Variants in LCA5L observed in about 807,000 individuals in gnomAD.
The protein encoded by LCA5L is lebercilin-like protein.
In LCA5L, 35 loss-of-function variants were observed where a neutral mutation model predicts 45.4. The ratio of observed to expected loss-of-function variants is 0.77; its 90% CI spans 0.59 to 1.02. The LOEUF (loss-of-function observed/expected upper bound fraction) is 1.02, where lower values mean the gene tolerates loss of function less well. Among genes scored for constraint, LCA5L ranks in the 50% least tolerant of loss-of-function variants. The pLI is 0.00. For synonymous variants in LCA5L, 233 were observed against 264.7 expected (o/e 0.88, Z 1.16); for missense variants, 668 against 761.6 (o/e 0.88, Z 1.45).
intron 5 of LCA5L, among the ~76,000 whole-genome samples, chr21:39,427,267 G>T (rs1019378809): frequency 5.3e-5 from 8 of 152,298 alleles, no homozygotes; most frequent in African/African-American, 1.7e-4. Context: ...ATGGGAGGAA[G>T]GAATTACAGT....
chr21:39,433,820 A>G (rs2076015412), intron 3 of LCA5L, among the ~76,000 whole-genome samples: 1 of 145,486 alleles, frequency 6.9e-6, no homozygotes, highest in Admixed American at 7.0e-5. Flanking sequence ...GCTGGAGTGC[A>G]GTGGCACGAT....
chr21:39,410,920 T>A (rs1315139000), intron 8 of LCA5L: 5 of 470,732 alleles, frequency 1.1e-5, no homozygotes, highest in South Asian at 4.6e-5. Flanking sequence ...TGTAGCTACT[T>A]CTTCTAATAA....
intron 10 of LCA5L, among the ~76,000 whole-genome samples, chr21:39,406,929 C>T (rs1006821979): frequency 6.6e-6 from 1 of 152,088 alleles, no homozygotes; most frequent in African/African-American, 2.4e-5. Flanking sequence ...GACATACTGC[C>T]AGTTGAAACA....
rs1361670225 is a variant in LCA5L at position 39,406,234 on chromosome 21, C to T, written c.1661G>A (p.Ser554Asn). 2 of 1,614,252 alleles carry T rather than the reference C, an allele frequency of 1.2e-6. No individual in the cohort carries two copies. The highest frequency in any genetic ancestry group is 1.1e-5 in the South Asian group (1 of 91,088). ...TCTGTTACTGAGATGCTTGCCTGTA[C>T]TATGACTGTACCTCATGTTGCCGGC... ...ANAGNMRYSH[S>N]TGKHLSNREE... is the part of the protein sequence containing the mutation. Residue 554 changes from serine to asparagine, a missense_variant, in exon 11 of 11, where the codon AGT becomes AAT. By Grantham distance (46) the Ser-to-Asn change is conservative. Coordinates refer to ENST00000288350, the MANE Select transcript of LCA5L (RefSeq NM_152505.4).
At chr21:39,414,742 CTG>C (rs66478742) in intron 7 of LCA5L, among the ~76,000 whole-genome samples, 7,154 of 99,092 alleles carry the variant, frequency 0.072, 265 homozygotes, top group East Asian at 0.12. Context: ...CTCTCTCTCT[CTG>C]TGTGTGTGTG....
chr21:39,428,411 G>T lies in LCA5L; in HGVS notation c.83C>A (p.Ala28Glu), dbSNP rs2147925496. Residue 28 changes from alanine (A) to glutamate (E), a missense_variant, in exon 5 of 11, where the codon GCA becomes GAA. Ala to Glu is a moderately radical substitution (Grantham distance 107, BLOSUM62 -1). Coordinates refer to ENST00000288350, the MANE Select transcript of LCA5L (RefSeq NM_152505.4). ...GCCTGTGCCTGGGCTTCTCTTGCAT[G>T]CTGCAGACCTCCTATTGTTTTCTAA... ...VALENNRRSA[A>E]CKRSPGTGDF... The T allele has an allele frequency of 6.2e-7, 1 of 1,612,622 alleles. No individual in the cohort carries two copies. Among genetic ancestry groups the T allele is most frequent in the Non-Finnish European group, 8.5e-7 (1 of 1,179,498 alleles).
At chr21:39,410,999 A>G (rs540717430) in intron 8 of LCA5L, 2 of 463,672 alleles carry the variant, frequency 4.3e-6, no homozygotes, top group African/African-American at 4.0e-5. Flanking sequence ...GGGGGAAAGC[A>G]GTGCACGTGC....
chr21:39,423,869 A>G (rs1292798555), intron 5 of LCA5L, among the ~76,000 whole-genome samples: 1 of 152,168 alleles, frequency 6.6e-6, no homozygotes, highest in African/African-American at 2.4e-5. Context: ...AAGCTGTGAT[A>G]ATAGGCCAGG....
chr21:39,419,176 C>T (rs1328110738), intron 7 of LCA5L, among the ~76,000 whole-genome samples: 2 of 152,086 alleles, frequency 1.3e-5, no homozygotes, highest in Non-Finnish European at 2.9e-5. Context: ...CTTCTCCTGT[C>T]TCTGAGTCAT....
chr21:39,421,789 A>G (rs1206092946), intron 6 of LCA5L: 1 of 152,224 alleles, frequency 6.6e-6, no homozygotes, highest in East Asian at 1.9e-4. Context: ...TTAAAGAAAT[A>G]ACATGTTTTG....
rs554405200 is a variant in LCA5L, at chr21:39,409,224, C to T, written c.1282+755G>A. Among the ~76,000 whole-genome samples the T allele has an allele frequency of 1.9e-4, 29 of 152,176 alleles. No individual in the cohort carries two copies. Among genetic ancestry groups the T allele is most frequent in the African/African-American group, 6.0e-4 (25 of 41,534 alleles). ...CGCCACATGAAGACATAGTGAGAAG[C>T]GGGACATCTAAAGCCAGGAAGAGGG... is the stretch of plus-strand genomic sequence containing the variant. On this transcript the variant is annotated intron_variant, in intron 10 of 10. Transcript: ENST00000288350. This position sits in a 1 kb window ranked among gnomAD's most constrained non-coding sequence, Gnocchi z 4.2.
chr21:39,418,500 A>AT (rs1031301609), intron 7 of LCA5L, among the ~76,000 whole-genome samples: 18 of 151,618 alleles, frequency 1.2e-4, no homozygotes, highest in Non-Finnish European at 2.4e-4. Flanking sequence ...TTTTTATTTT[A>AT]TTTTTTTTAA....
chr21:39,423,038 C>A lies in LCA5L; in HGVS notation c.775G>T (p.Glu259Ter), dbSNP rs1392499871. 6.2e-7 allele frequency: 1 copy of A among 1,613,940 alleles called. No individual in the cohort carries two copies. The highest frequency in any genetic ancestry group is 8.5e-7 in the Non-Finnish European group (1 of 1,179,956). The change falls in exon 6 of 11, where the codon GAA (glutamate) becomes TAA (stop). Residue 259 changes from glutamate (E) to a stop codon, truncating the protein, a stop_gained. Transcript: ENST00000288350. LOFTEE classifies it high-confidence loss of function. ...SEDKNLAEREELTHKLSIITT... is the reference protein window; with the variant it reads ...SEDKNLAERE ...ATAATAGATAATTTATGAGTGAGTTCTTCCCTTTCTGCAAGGTTTTTGTCT... is the reference window on the plus strand; with the variant it reads ...ATAATAGATAATTTATGAGTGAGTTATTCCCTTTCTGCAAGGTTTTTGTCT...
At chr21:39,422,794 G>GT in intron 6 of LCA5L, 182 bp downstream of exon 6, 2 of 612,886 alleles carry the variant, frequency 3.3e-6, no homozygotes, top group Non-Finnish European at 2.8e-6. Context: ...AGCTGCTTCT[G>GT]TTTTTCCTTC....
At chr21:39,433,510 C>T (rs2148090655) in intron 3 of LCA5L, among the ~76,000 whole-genome samples, 1 of 148,668 alleles carries the variant, frequency 6.7e-6, no homozygotes, top group East Asian at 2.0e-4. Context: ...TTTCTTTCTT[C>T]TAGAAGTTTT....
chr21:39,428,504 CTAA>C lies in LCA5L; in HGVS notation c.-10-4_-10-2del. On this transcript the variant is annotated splice_acceptor_variant and splice_polypyrimidine_tract_variant and intron_variant, in intron 4 of 10. Transcript: ENST00000288350. LOFTEE classifies it low-confidence loss of function (5UTR_SPLICE). ...ATCAGCCAAAGACATAGCAAACAAC[CTAA>C]TAAAAGAAAAGTAAAACCTAATAAA... 6.8e-7 allele frequency: 1 copy of C among 1,469,264 alleles called. No individual in the cohort carries two copies. The highest frequency in any genetic ancestry group is 9.0e-7 in the Non-Finnish European group (1 of 1,108,700). 91.0% of individuals were successfully genotyped at this position (1,469,264 alleles called of 1,614,324 possible).
intron 7 of LCA5L, among the ~76,000 whole-genome samples, chr21:39,415,467 C>G (rs1395553777): frequency 2.0e-5 from 3 of 152,220 alleles, no homozygotes; most frequent in Non-Finnish European, 4.4e-5. Context: ...TTCCCACTCT[C>G]TCTGACCACT....
At chr21:39,442,530 C>T (rs2076972845) in intron 2 of LCA5L, among the ~76,000 whole-genome samples, 1 of 151,966 alleles carries the variant, frequency 6.6e-6, no homozygotes. Context: ...TACAGGACTG[C>T]GGCAGGCTGA....
Position 39,406,189 on chromosome 21 carries a change from T to C in LCA5L, c.1706A>G (p.His569Arg), listed in dbSNP as rs1183093425. ...TGAGGGCTCATACCCACTGTCAGAATGCTCTAGCTCCATTTCCTCTCTGTT... is the reference window on the plus strand; with the variant it reads ...TGAGGGCTCATACCCACTGTCAGAACGCTCTAGCTCCATTTCCTCTCTGTT... ...LSNREEMELEHSDSGYEPSFG... is the reference protein window; with the variant it reads ...LSNREEMELERSDSGYEPSFG... The change falls in exon 11 of 11, where the codon CAT becomes CGT. Residue 569 changes from histidine (H) to arginine (R), a missense_variant. By Grantham distance (29) the His-to-Arg change is conservative. Transcript: ENST00000288350. 1 of 1,614,252 alleles carries C rather than the reference T, an allele frequency of 6.2e-7. No individual in the cohort carries two copies. The highest frequency in any genetic ancestry group is 1.3e-5 in the African/African-American group (1 of 75,068).
Sources: gnomAD v4.1 joint callset for allele counts (sites outside exome capture counted in the v4.1 genomes callset) on GRCh38, gnomAD v4.1.1 for gene constraint, Gnocchi (gnomAD v3.1) non-coding constraint, MANE v1.5 for transcripts, NCBI Gene and HGNC (gene_info 2026-07-23, HGNC 2026-07-21) for gene names.